SCN8A: variants seen among roughly 807,000 people sequenced by gnomAD.
SCN8A encodes the protein sodium channel protein type 8 subunit alpha.
Under a neutral mutation model 184.1 loss-of-function variants are expected in SCN8A, and 30 were observed. The ratio of observed to expected loss-of-function variants is 0.16; its 90% CI spans 0.12 to 0.22. The LOEUF (loss-of-function observed/expected upper bound fraction) is 0.22. Ranked by LOEUF, SCN8A falls within the 10% of genes least tolerant of loss-of-function variation. The pLI is 1.00. For synonymous variants in SCN8A, 852 were observed against 907.0 expected (o/e 0.94, Z 1.09); for missense variants, 1,057 against 2,498.9 (o/e 0.42, Z 12.30).
chr12:51,773,074 A>G (rs1476044268), intron 19 of SCN8A, among the ~76,000 whole-genome samples: 1 of 151,704 alleles, frequency 6.6e-6, no homozygotes, highest in African/African-American at 2.4e-5. Context: ...CTGAGATCGC[A>G]CCACTGCACT....
At chr12:51,759,067 CA>C (rs1942725407) in intron 14 of SCN8A, among the ~76,000 whole-genome samples, 1 of 151,800 alleles carries the variant, frequency 6.6e-6, no homozygotes, top group Admixed American at 6.6e-5. Flanking sequence ...TGGTCAATGA[CA>C]GACTGCATGT....
chr12:51,669,237 G>A lies in SCN8A; in HGVS notation c.276+6144G>A, dbSNP rs116976054. 9.3e-3 allele frequency among the ~76,000 whole-genome samples: 1,412 copies of A among 152,290 alleles called. 9 individuals carry two copies. The highest frequency in any genetic ancestry group is 0.016 in the Admixed American group (247 of 15,300). ...GTTGACCAAAACATTGTTATGTGGTGTCTGACTATAGTGGAAAGAGTGCCT... is the reference window on the plus strand; with the variant it reads ...GTTGACCAAAACATTGTTATGTGGTATCTGACTATAGTGGAAAGAGTGCCT... On this transcript the variant is annotated intron_variant, in intron 2 of 26. Transcript: ENST00000627620.
At chr12:51,723,004 T>C (rs1942093799) in intron 12 of SCN8A, 1 of 152,254 alleles carries the variant, frequency 6.6e-6, no homozygotes, top group African/African-American at 2.4e-5. Flanking sequence ...TGTTAGTCTA[T>C]TTCTTTCTAA....
chr12:51,721,974 C>T, intron 12 of SCN8A, 66 bp downstream of exon 12: 1 of 1,598,916 alleles, frequency 6.3e-7, no homozygotes, highest in Non-Finnish European at 8.5e-7. Flanking sequence ...CGAGGCTAGG[C>T]ATGGCAGTCT....
chr12:51,688,709 C>A (rs200311947), intron 5 of SCN8A: 4 of 1,365,926 alleles, frequency 2.9e-6, no homozygotes, highest in Admixed American at 3.4e-5. Context: ...CATTCTCAAA[C>A]CCTCGCCCAG....
intron 1 of SCN8A, among the ~76,000 whole-genome samples, chr12:51,650,238 C>G (rs923953405): frequency 2.0e-5 from 3 of 152,176 alleles, no homozygotes; most frequent in Non-Finnish European, 4.4e-5. Context: ...CTAGGAAGCT[C>G]CAAACTTTCC....
At chr12:51,722,183 G>A (rs1240486403) in intron 12 of SCN8A, 2 of 553,768 alleles carry the variant, frequency 3.6e-6, no homozygotes, top group African/African-American at 1.9e-5. Context: ...TTCCCTCCTT[G>A]TTTCTGACAT....
intron 26 of SCN8A, among the ~76,000 whole-genome samples, chr12:51,800,084 T>C (rs1362325932): frequency 1.3e-5 from 2 of 152,228 alleles, no homozygotes; most frequent in African/African-American, 4.8e-5. Context: ...AGCAAGATTA[T>C]GACACAAAGC....
intron 20 of SCN8A, chr12:51,780,390 A>C: frequency 5.7e-6 from 2 of 348,758 alleles, no homozygotes; most frequent in South Asian, 2.6e-5. Flanking sequence ...CGCCTTCTCG[A>C]TTTTCTCTTC....
chr12:51,635,309 A>AAT (rs1251362221), intron 1 of SCN8A, among the ~76,000 whole-genome samples: 1 of 152,158 alleles, frequency 6.6e-6, no homozygotes, highest in Non-Finnish European at 1.5e-5. Flanking sequence ...CCTTATCCTT[A>AAT]ATGCTGTTGT....
intron 15 of SCN8A, among the ~76,000 whole-genome samples, chr12:51,765,398 C>T (rs1942823011): frequency 6.6e-6 from 1 of 152,084 alleles, no homozygotes; most frequent in South Asian, 2.1e-4. Context: ...AAAAAGCAGA[C>T]TGACTCAGAT....
At chr12:51,716,362 A>G (rs1416401502) in intron 11 of SCN8A, among the ~76,000 whole-genome samples, 1 of 152,178 alleles carries the variant, frequency 6.6e-6, no homozygotes, top group African/African-American at 2.4e-5. Flanking sequence ...GAAGAAAACA[A>G]TAAAAAATAA....
chr12:51,639,349 A>G (rs1940391409), intron 1 of SCN8A, among the ~76,000 whole-genome samples: 1 of 152,210 alleles, frequency 6.6e-6, no homozygotes, highest in Admixed American at 6.5e-5. Context: ...TATTTAGAAT[A>G]TTCCCTAAAC....
rs369373481 is a variant in SCN8A at position 51,704,990 on chromosome 12, A to G, written c.1135-427A>G. Among the ~76,000 whole-genome samples, 13 of 152,276 alleles carry G rather than the reference A, an allele frequency of 8.5e-5. No homozygotes were observed. In the East Asian group the frequency reaches 2.5e-3, roughly 29 times the overall value. On this transcript the variant is annotated intron_variant, in intron 9 of 26. Coordinates refer to ENST00000627620, the MANE Select transcript of SCN8A (RefSeq NM_001330260.2). ...ACTTCATCTCAAAAAAAAAATAAAT[A>G]AAATAAAAAGATGGGATTTCCTTCA...
At chr12:51,788,841 G>A in intron 23 of SCN8A, 93 bp downstream of exon 23, 2 of 991,786 alleles carry the variant, frequency 2.0e-6, no homozygotes, top group Non-Finnish European at 1.5e-6. Context: ...AGGAAGGGAT[G>A]AAGGAATGGA....
At chr12:51,786,474 C>A in intron 21 of SCN8A, 68 bp from the exon 22 acceptor site, 1 of 1,541,808 alleles carries the variant, frequency 6.5e-7, no homozygotes, top group South Asian at 1.1e-5. Context: ...CATTCCCCTC[C>A]TGGAAATCAA....
At chr12:51,778,081 A>G (rs1307709481) in intron 20 of SCN8A, among the ~76,000 whole-genome samples, 1 of 152,184 alleles carries the variant, frequency 6.6e-6, no homozygotes, top group Non-Finnish European at 1.5e-5. Context: ...ACTATGTTCT[A>G]GATAGGGCTT....
At chr12:51,695,166 G>C (rs889313802) in intron 6 of SCN8A, among the ~76,000 whole-genome samples, 1 of 152,012 alleles carries the variant, frequency 6.6e-6, no homozygotes, top group Non-Finnish European at 1.5e-5. Flanking sequence ...GATTGCTGTA[G>C]TTAGTGTTAT....
chr12:51,740,470 T>C (rs563718082), intron 12 of SCN8A, among the ~76,000 whole-genome samples: 18 of 152,348 alleles, frequency 1.2e-4, no homozygotes, highest in South Asian at 1.0e-3. Flanking sequence ...ATTCCTCTTA[T>C]TGATTTCTGG....
Sources: gnomAD v4.1 joint callset for allele counts (sites outside exome capture counted in the v4.1 genomes callset) on GRCh38, gnomAD v4.1.1 for gene constraint, MANE v1.5 for transcripts, NCBI Gene and HGNC (gene_info 2026-07-23, HGNC 2026-07-21) for gene names.